The following ZNF184 variants were observed in gnomAD, a reference collection of about 807,000 sequenced individuals.
The protein encoded by ZNF184 is zinc finger protein 184, also known as zinc finger protein 184 (Kruppel-like).
Under a neutral mutation model 54.4 loss-of-function variants are expected in ZNF184, and 16 were observed. The ratio of observed to expected loss-of-function variants is 0.29; its 90% confidence interval spans 0.20 to 0.45. The LOEUF (loss-of-function observed/expected upper bound fraction) is 0.45. Among genes scored for constraint, ZNF184 ranks in the 20% least tolerant of loss-of-function variants. The pLI is 1.00. For synonymous variants in ZNF184, 254 were observed against 295.3 expected (o/e 0.86, Z 1.43); for missense variants, 681 against 888.2 (o/e 0.77, Z 2.97).
Position 27,452,187 on chromosome 6 carries a change from A to G in ZNF184, c.1372T>C (p.Trp458Arg). Residue 458 changes from tryptophan to arginine, a missense_variant, in exon 6 of 6, where the codon TGG becomes CGG. Trp to Arg is a moderately radical substitution (Grantham distance 101, BLOSUM62 -3). Coordinates refer to ENST00000683788, the MANE Select transcript of ZNF184 (RefSeq NM_001318891.2). The surrounding 1 kb of genome is among the most constrained non-coding windows in gnomAD (Gnocchi z 5.5). The part of the protein sequence containing the change: ...CAECGKSFSY[W>R]SSLAQHLKIH... ...TTCAGGTGTTGAGCAAGGGATGACC[A>G]GTAACTAAAAGATTTTCCACATTCT... The G allele has an allele frequency of 6.2e-7, 1 of 1,613,886 alleles. No homozygotes were observed. Among genetic ancestry groups the G allele is most frequent in the Non-Finnish European group, 8.5e-7 (1 of 1,179,974 alleles).
At chr6:27,436,165 GTGT>G in the ZNF184 span, among the ~76,000 whole-genome samples, 1 of 151,860 alleles carries the variant, frequency 6.6e-6, no homozygotes, top group Non-Finnish European at 1.5e-5. Flanking sequence ...GAGTATGTGT[GTGT>G]TTTTTTTGTT....
the ZNF184 span, chr6:27,405,902 T>TTGG: frequency 6.6e-6 from 1 of 152,180 alleles, no homozygotes; most frequent in Non-Finnish European, 1.5e-5. Flanking sequence ...GCCAACTCTA[T>TTGG]TGGTGGTTAC....
At chr6:27,408,132 C>A in the ZNF184 span, 1 of 675,404 alleles carries the variant, frequency 1.5e-6, no homozygotes. Flanking sequence ...GTTTGTTACA[C>A]TGGGGTGAGA....
intron 3 of ZNF184, 126 bp downstream of exon 3, chr6:27,467,727 G>T: frequency 1.2e-6 from 1 of 822,304 alleles, no homozygotes; most frequent in Non-Finnish European, 1.9e-6. Context: ...GCGGTTACTA[G>T]ACAGATGAGA....
At chr6:27,423,056 G>A in the ZNF184 span, among the ~76,000 whole-genome samples, 3 of 152,322 alleles carry the variant, frequency 2.0e-5, no homozygotes, top group Admixed American at 6.5e-5. Flanking sequence ...TCGGAGGGAG[G>A]CCTAGCAACC....
Position 27,472,173 on chromosome 6 carries a change from A to G in ZNF184, c.7+115T>C, listed in dbSNP as rs765754003. 4.2e-4 allele frequency: 591 copies of G among 1,412,144 alleles called. 1 individual carries two copies. Among genetic ancestry groups the G allele is most frequent in the Non-Finnish European group, 5.2e-4 (527 of 1,017,946 alleles). 87.5% of individuals were successfully genotyped at this position (1,412,144 alleles called of 1,614,324 possible). A position where few individuals can be genotyped will look rare whatever the true frequency, so the allele number is the denominator to read the frequency against. On this transcript the variant is annotated intron_variant, in intron 2 of 5. Transcript: ENST00000683788. The surrounding 1 kb of genome is among the most constrained non-coding windows in gnomAD (Gnocchi z 4.8). ...AATTCGGTTTCTTTGCTAATCCCTA[A>G]GCATACCGTTCCTTCCTTCCAAATC...
In ZNF184 at chr6:27,451,606, A is replaced by ATC; in HGVS notation, c.1952_1953insGA (p.Phe651LeufsTer8). 1 of 1,614,096 alleles carries ATC rather than the reference A, an allele frequency of 6.2e-7. No homozygotes were observed. The highest frequency in any genetic ancestry group is 1.1e-5 in the South Asian group (1 of 91,074). On this transcript the variant is annotated frameshift_variant, in exon 6 of 6. Coordinates refer to ENST00000683788, the MANE Select transcript of ZNF184 (RefSeq NM_001318891.2). LOFTEE classifies it high-confidence loss of function. ...GCTGAGTTAGATGGGAGCTCTGGCT[A>ATC]AAGGTCTTTTCACATTTATTACACT...
At chr6:27,465,251 G>A (rs1199110055) in intron 3 of ZNF184, among the ~76,000 whole-genome samples, 3 of 149,918 alleles carry the variant, frequency 2.0e-5, no homozygotes, top group African/African-American at 7.3e-5. Flanking sequence ...TCGGGAGGGC[G>A]AGGCGGGCGG....
chr6:27,451,278 T>TA lies in ZNF184; in HGVS notation c.*24dup, dbSNP rs1181317893. On this transcript the variant is annotated 3_prime_UTR_variant, in exon 6 of 6. Coordinates refer to ENST00000683788, the MANE Select transcript of ZNF184 (RefSeq NM_001318891.2). ...GACAAACTAAAGTAAATATCTCCCC[T>TA]AAATTTATGATGTTCCTAGAATTGT... The TA allele has an allele frequency of 2.6e-6, 4 of 1,545,954 alleles. No homozygotes were observed. Among genetic ancestry groups the TA allele is most frequent in the Non-Finnish European group, 3.5e-6 (4 of 1,148,466 alleles).
intron 4 of ZNF184, 116 bp downstream of exon 4, chr6:27,457,167 A>T: frequency 7.0e-7 from 1 of 1,430,074 alleles, no homozygotes. Context: ...ACCTTTTCAA[A>T]AACTAGAAAT....
the ZNF184 span, among the ~76,000 whole-genome samples, chr6:27,427,436 A>T: frequency 1.3e-5 from 2 of 152,126 alleles, no homozygotes; most frequent in Non-Finnish European, 2.9e-5. Context: ...GAATTTCCTC[A>T]TCTAGCTTTT....
In ZNF184 at chr6:27,472,335, G is replaced by C. The variant is rs1319708972; in HGVS notation, c.-41C>G. 1.9e-6 allele frequency: 3 copies of C among 1,613,866 alleles called. No individual in the cohort carries two copies. The highest frequency in any genetic ancestry group is 4.5e-5 in the East Asian group (2 of 44,850). On this transcript the variant is annotated 5_prime_UTR_variant, in exon 2 of 6. Coordinates refer to ENST00000683788, the MANE Select transcript of ZNF184 (RefSeq NM_001318891.2). The surrounding 1 kb of genome is among the most constrained non-coding windows in gnomAD (Gnocchi z 4.8). ...CGTTCCTCTGGAACTTGAACACCAG[G>C]GTTCGCCAGGCAGCGTTCCTTCAGC... is the stretch of plus-strand genomic sequence containing the variant.
the ZNF184 span, among the ~76,000 whole-genome samples, chr6:27,435,219 T>G: frequency 6.6e-6 from 1 of 152,216 alleles, no homozygotes; most frequent in African/African-American, 2.4e-5. Flanking sequence ...AGGGATTACA[T>G]TGAATCTGTT....
At chr6:27,434,038 T>C in the ZNF184 span, among the ~76,000 whole-genome samples, 6 of 150,368 alleles carry the variant, frequency 4.0e-5, no homozygotes, top group African/African-American at 1.5e-4. Context: ...CCTCTTTGTT[T>C]GAGACAGGGT....
rs574477141 is a variant in ZNF184, at chr6:27,472,202, T to C, written c.7+86A>G. The C allele has an allele frequency of 3.8e-6, 6 of 1,568,476 alleles. No homozygotes were observed. In the East Asian group the frequency reaches 1.1e-4, roughly 30 times the overall value. ...TACCGTTCCTTCCTTCCAAATCTCC[T>C]GCTCTGATCTCAAGTATTTGATACT... On this transcript the variant is annotated intron_variant, in intron 2 of 5. Transcript: ENST00000683788. The surrounding 1 kb of genome is among the most constrained non-coding windows in gnomAD (Gnocchi z 4.8).
the ZNF184 span, among the ~76,000 whole-genome samples, chr6:27,407,406 T>C: frequency 6.6e-6 from 1 of 152,140 alleles, no homozygotes. Flanking sequence ...TTTCTCTCTA[T>C]GGGCACGAGC....
At chr6:27,454,624 C>G (rs1289914426) in intron 5 of ZNF184, among the ~76,000 whole-genome samples, 1 of 24,322 alleles carries the variant, frequency 4.1e-5, no homozygotes, top group Middle Eastern at 0.05. Context: ...ATCTCCAACC[C>G]TGGTTGGAGT....
At chr6:27,418,513 C>T in the ZNF184 span, among the ~76,000 whole-genome samples, 7 of 152,156 alleles carry the variant, frequency 4.6e-5, no homozygotes, top group Admixed American at 3.9e-4. Context: ...GCCTGTTTTC[C>T]TCCATACTTG....
At chr6:27,414,830 G>A in the ZNF184 span, among the ~76,000 whole-genome samples, 1 of 152,024 alleles carries the variant, frequency 6.6e-6, no homozygotes, top group African/African-American at 2.4e-5. Context: ...GCAAACAATA[G>A]TGTTATCTAA....
Sources: gnomAD v4.1 joint callset for allele counts (sites outside exome capture counted in the v4.1 genomes callset) on GRCh38, gnomAD v4.1.1 for gene constraint, Gnocchi (gnomAD v3.1) non-coding constraint, MANE v1.5 for transcripts, NCBI Gene and HGNC (gene_info 2026-07-23, HGNC 2026-07-21) for gene names.